ARHGAP26: variants seen among roughly 807,000 people sequenced by gnomAD.
The protein encoded by ARHGAP26 is rho GTPase-activating protein 26.
In ARHGAP26, 38 loss-of-function variants were observed where a neutral mutation model predicts 104.8. The observed-to-expected ratio is 0.36, with a 90% confidence interval of 0.28 to 0.48. ARHGAP26 has a LOEUF of 0.48. Ranked by LOEUF, ARHGAP26 falls within the 20% of genes least tolerant of loss-of-function variation. The pLI is 0.99. For missense variants in ARHGAP26, 704 were observed against 947.9 expected (o/e 0.74, Z 3.38); for synonymous variants, 341 against 340.0 (o/e 1.00, Z -0.03).
intron 1 of ARHGAP26, among the ~76,000 whole-genome samples, chr5:142,863,772 G>A (rs530163124): frequency 2.0e-4 from 30 of 152,258 alleles, no homozygotes; most frequent in South Asian, 6.2e-4. Context: ...GATCACATGG[G>A]AATTTTGACA....
intron 1 of ARHGAP26, among the ~76,000 whole-genome samples, chr5:142,831,478 A>C (rs570860257): frequency 6.6e-6 from 1 of 152,224 alleles, no homozygotes; most frequent in Non-Finnish European, 1.5e-5. Flanking sequence ...TGTGGATGAA[A>C]TTCAGATGTT....
chr5:142,882,731 A>G (rs1757181277), intron 4 of ARHGAP26, among the ~76,000 whole-genome samples: 1 of 152,208 alleles, frequency 6.6e-6, no homozygotes, highest in Non-Finnish European at 1.5e-5. Context: ...CAAGCACTGT[A>G]TGTGGTTTAT....
intron 18 of ARHGAP26, among the ~76,000 whole-genome samples, chr5:143,130,191 G>A (rs1797163588): frequency 6.6e-6 from 1 of 152,162 alleles, no homozygotes; most frequent in Admixed American, 6.5e-5. Context: ...GCAGCTTAAG[G>A]CGAAACAGTA....
At chr5:142,836,352 A>G (rs1157501313) in intron 1 of ARHGAP26, among the ~76,000 whole-genome samples, 2 of 152,216 alleles carry the variant, frequency 1.3e-5, no homozygotes, top group African/African-American at 4.8e-5. Flanking sequence ...TAAATCATTT[A>G]CAACTTACTC....
intron 6 of ARHGAP26, among the ~76,000 whole-genome samples, chr5:142,898,301 T>G (rs989027993): frequency 2.0e-5 from 3 of 152,270 alleles, no homozygotes; most frequent in Middle Eastern, 3.4e-3. Context: ...GTACTAAATG[T>G]TCTTGAGATT....
chr5:142,778,615 C>T (rs1756844553), intron 1 of ARHGAP26, among the ~76,000 whole-genome samples: 2 of 152,244 alleles, frequency 1.3e-5, no homozygotes, highest in South Asian at 4.1e-4. Context: ...TACTCAGTTT[C>T]CTGTTGAAGG....
intron 21 of ARHGAP26, among the ~76,000 whole-genome samples, chr5:143,207,988 C>A (rs1808845081): frequency 6.6e-6 from 1 of 152,176 alleles, no homozygotes; most frequent in Non-Finnish European, 1.5e-5. Context: ...CGTTGTCCCC[C>A]ATATACTCCC....
intron 1 of ARHGAP26, among the ~76,000 whole-genome samples, chr5:142,819,670 A>G (rs1765749016): frequency 6.6e-6 from 1 of 152,228 alleles, no homozygotes; most frequent in Non-Finnish European, 1.5e-5. Flanking sequence ...GTGTACAGTG[A>G]CACAATGTTT....
intron 14 of ARHGAP26, among the ~76,000 whole-genome samples, chr5:143,049,577 T>C (rs967138963): frequency 6.6e-6 from 1 of 152,220 alleles, no homozygotes; most frequent in Non-Finnish European, 1.5e-5. Context: ...CTGTATTTTT[T>C]GCCAACAAAT....
At chr5:143,012,552 C>CATACATATATATAT (rs1200923855) in intron 11 of ARHGAP26, among the ~76,000 whole-genome samples, 1 of 20,846 alleles carries the variant, frequency 4.8e-5, no homozygotes, top group African/African-American at 1.2e-4. Flanking sequence ...TACATACATA[C>CATACATATATATAT]ATATATATAT....
At chr5:142,786,023 T>G (rs1278039348) in intron 1 of ARHGAP26, among the ~76,000 whole-genome samples, 2 of 151,702 alleles carry the variant, frequency 1.3e-5, no homozygotes, top group African/African-American at 4.8e-5. Context: ...TGTCACCCAG[T>G]GTGGTAGTAC....
chr5:143,113,703 G>T (rs771188275), intron 17 of ARHGAP26, among the ~76,000 whole-genome samples: 34 of 152,312 alleles, frequency 2.2e-4, no homozygotes, highest in Non-Finnish European at 3.7e-4. Flanking sequence ...GTTTAGTCCA[G>T]TATCACTCCC....
At chr5:143,158,126 C>T (rs143724428) in intron 20 of ARHGAP26, among the ~76,000 whole-genome samples, 5 of 152,270 alleles carry the variant, frequency 3.3e-5, no homozygotes, top group East Asian at 1.9e-4. Flanking sequence ...TCAGACTGCT[C>T]CCCCTACCAA....
At chr5:143,125,862 A>G (rs1044541893) in intron 18 of ARHGAP26, among the ~76,000 whole-genome samples, 25 of 152,318 alleles carry the variant, frequency 1.6e-4, no homozygotes, top group African/African-American at 6.0e-4. Flanking sequence ...CTGTTTTTAC[A>G]AATTATAAGC....
At chr5:142,993,728 A>G (rs899930441) in intron 11 of ARHGAP26, among the ~76,000 whole-genome samples, 2 of 151,996 alleles carry the variant, frequency 1.3e-5, no homozygotes, top group Non-Finnish European at 2.9e-5. Flanking sequence ...TGCAGCCCCA[A>G]CCTCTTGGGG....
rs1018311023 is a variant in ARHGAP26 at position 143,193,153 on chromosome 5, A to G, written c.1989-14045A>G. ...GGGACAGGAATCATCCCTTTGCCAC[A>G]CTGTGGACACTGGCCACCCTTTAGT... On this transcript the variant is annotated intron_variant, in intron 20 of 22. Coordinates refer to ENST00000645722, the MANE Select transcript of ARHGAP26 (RefSeq NM_001135608.3). Among the ~76,000 whole-genome samples, 6 of 150,924 alleles carry G rather than the reference A, an allele frequency of 4.0e-5. No individual in the cohort carries two copies. In the South Asian group the frequency reaches 8.4e-4, roughly 21 times the overall value.
At chr5:143,054,319 G>C (rs960797857) in intron 14 of ARHGAP26, 120 bp from the exon 15 acceptor site, 3 of 588,664 alleles carry the variant, frequency 5.1e-6, no homozygotes, top group Non-Finnish European at 8.6e-6. Flanking sequence ...AAAAATACTT[G>C]TCATTTTTGT....
At chr5:143,209,117 A>C (rs1268400158) in intron 21 of ARHGAP26, among the ~76,000 whole-genome samples, 1 of 152,160 alleles carries the variant, frequency 6.6e-6, no homozygotes, top group African/African-American at 2.4e-5. Flanking sequence ...TCTTCAAAAT[A>C]TTGGCCCTTT....
chr5:142,975,264 G>A (rs957883944), intron 11 of ARHGAP26, among the ~76,000 whole-genome samples: 1 of 152,130 alleles, frequency 6.6e-6, no homozygotes, highest in African/African-American at 2.4e-5. Context: ...AATATAAAAG[G>A]GGTAGGACTA....
Sources: allele counts gnomAD v4.1 joint callset (sites outside exome capture counted in the v4.1 genomes callset), GRCh38; gene constraint gnomAD v4.1.1; transcripts MANE v1.5; gene names NCBI Gene and HGNC (gene_info 2026-07-23, HGNC 2026-07-21).